FIG4: variants seen among roughly 807,000 people sequenced by gnomAD.
The protein encoded by FIG4 is polyphosphoinositide phosphatase.
A neutral mutation model predicts 118.6 loss-of-function variants in FIG4; 112 were observed. The observed-to-expected ratio is 0.94, with a 90% CI of 0.81 to 1.11. The LOEUF (loss-of-function observed/expected upper bound fraction) is 1.11, where lower values mean the gene tolerates loss of function less well. FIG4 is among the 50% of genes least tolerant of loss of function. FIG4 has a pLI of 0.00. For synonymous variants in FIG4, 369 were observed against 381.2 expected, an observed-to-expected ratio of 0.97 and a Z score of 0.37; for missense variants, 969 against 1,111.7, an observed-to-expected ratio of 0.87 and a Z score of 1.83.
intron 4 of FIG4, 125 bp downstream of exon 4, chr6:109,727,390 G>C (rs942860970): frequency 1.3e-6 from 1 of 762,642 alleles, no homozygotes; most frequent in African/African-American, 1.8e-5. Context: ...CCAGGCTCAA[G>C]TACTTTTTTT....
chr6:109,717,503 T>A (rs986169467), intron 3 of FIG4, among the ~76,000 whole-genome samples: 2 of 152,142 alleles, frequency 1.3e-5, no homozygotes, highest in Admixed American at 6.5e-5. Flanking sequence ...GAGGATAAAA[T>A]CCAATGTACA....
At chr6:109,782,960 CTCTCACTG>C (rs1264543031) in intron 16 of FIG4, among the ~76,000 whole-genome samples, 1 of 152,226 alleles carries the variant, frequency 6.6e-6, no homozygotes, top group Non-Finnish European at 1.5e-5. Flanking sequence ...ATCTGTCACC[CTCTCACTG>C]CTGAGCATCA....
chr6:109,743,522 T>A (rs1360713210), intron 9 of FIG4, 153 bp from the exon 10 acceptor site: 5 of 700,096 alleles, frequency 7.1e-6, no homozygotes, highest in Non-Finnish European at 1.3e-5. Context: ...ACATGATGAA[T>A]AAGTGTCTAG....
Position 109,825,243 on chromosome 6 carries a change from A to T in FIG4, c.2702A>T (p.Tyr901Phe). ...GKEDSSMYREYIRNRYL is the reference protein window; with the variant it reads ...GKEDSSMYREFIRNRYL Reference sequence around the variant, plus strand: ...GAGGACTCCTCCATGTACCGAGAGTACATCAGGAACCGCTACCTGTGAAAA... The same window carrying T: ...GAGGACTCCTCCATGTACCGAGAGTTCATCAGGAACCGCTACCTGTGAAAA... The change falls in exon 23 of 23, where the codon TAC becomes TTC. Residue 901 changes from tyrosine to phenylalanine, a missense_variant. Tyr to Phe is a conservative substitution (Grantham distance 22). This residue lies in a region of FIG4 where 330 missense variants were observed against 348.1 expected (regional missense o/e 0.95). Coordinates refer to ENST00000230124, the MANE Select transcript of FIG4 (RefSeq NM_014845.6). 6.2e-7 allele frequency: 1 copy of T among 1,614,112 alleles called. No homozygotes were observed. The highest frequency in any genetic ancestry group is 8.5e-7 in the Non-Finnish European group (1 of 1,179,988).
intron 17 of FIG4, chr6:109,785,580 T>A: frequency 2.2e-6 from 1 of 448,626 alleles, no homozygotes. Flanking sequence ...TTTCCAAATT[T>A]AAATAATTGC....
chr6:109,697,261 CAAA>C (rs566216314), intron 1 of FIG4, among the ~76,000 whole-genome samples: 7 of 63,180 alleles, frequency 1.1e-4, no homozygotes, highest in Non-Finnish European at 1.7e-4. Flanking sequence ...GACTCTGTCT[CAAA>C]AAAAAAAAAA....
chr6:109,698,449 A>G (rs1774803141), intron 1 of FIG4, among the ~76,000 whole-genome samples: 1 of 152,244 alleles, frequency 6.6e-6, no homozygotes, highest in African/African-American at 2.4e-5. Context: ...TGTATAATCT[A>G]GAAAGAGGAA....
intron 11 of FIG4, among the ~76,000 whole-genome samples, chr6:109,761,629 C>T (rs980373064): frequency 1.3e-5 from 2 of 152,182 alleles, no homozygotes; most frequent in African/African-American, 4.8e-5. Flanking sequence ...TTAAGTGATC[C>T]GCCCGCATTG....
At chr6:109,822,807 A>C (rs866272181) in intron 22 of FIG4, among the ~76,000 whole-genome samples, 2 of 134,576 alleles carry the variant, frequency 1.5e-5, no homozygotes, top group African/African-American at 3.2e-5. Flanking sequence ...ATATATATAT[A>C]TATATATATA....
At chr6:109,763,628 G>A (rs370031115) in intron 12 of FIG4, among the ~76,000 whole-genome samples, 4 of 152,166 alleles carry the variant, frequency 2.6e-5, no homozygotes, top group South Asian at 4.1e-4. Flanking sequence ...GACCAAACAG[G>A]AATTGGGTTT....
chr6:109,735,852 A>G (rs1776144544), intron 6 of FIG4, among the ~76,000 whole-genome samples: 1 of 151,984 alleles, frequency 6.6e-6, no homozygotes, highest in Non-Finnish European at 1.5e-5. Context: ...CAGGGAATCA[A>G]TGCAGCAAGT....
chr6:109,751,673 T>G (rs1425149959), intron 10 of FIG4, among the ~76,000 whole-genome samples: 1 of 152,124 alleles, frequency 6.6e-6, no homozygotes, highest in African/African-American at 2.4e-5. Flanking sequence ...ATTTATCTAT[T>G]TCTTCTAGAT....
intron 22 of FIG4, among the ~76,000 whole-genome samples, chr6:109,809,418 T>C (rs1028584350): frequency 6.6e-6 from 1 of 152,210 alleles, no homozygotes; most frequent in African/African-American, 2.4e-5. Flanking sequence ...TTAATAATTA[T>C]TTTTTAACTT....
intron 6 of FIG4, among the ~76,000 whole-genome samples, chr6:109,737,087 C>T (rs545524060): frequency 2.8e-4 from 43 of 152,238 alleles, no homozygotes; most frequent in Non-Finnish European, 4.3e-4. Context: ...TTAACTTCAT[C>T]TGCAGCTTTA....
At chr6:109,812,829 G>A (rs142023993) in intron 22 of FIG4, among the ~76,000 whole-genome samples, 1 of 152,254 alleles carries the variant, frequency 6.6e-6, no homozygotes, top group Non-Finnish European at 1.5e-5. Flanking sequence ...AGGAATGATC[G>A]TTCCTCAGAC....
rs1779111844 is a variant in FIG4 at position 109,824,835 on chromosome 6, T to G, written c.2547-253T>G. On this transcript the variant is annotated intron_variant, in intron 22 of 22. Transcript: ENST00000230124. ...GTGCAGACGTGGGTGTACACAGAGA[T>G]GTGGAAACAGAGGAGAGGGGTGTGC... is the stretch of plus-strand genomic sequence containing the variant. 2.0e-5 allele frequency among the ~76,000 whole-genome samples: 3 copies of G among 151,920 alleles called. No individual in the cohort carries two copies. The South Asian group carries it at 6.2e-4, about 32-fold the overall frequency.
At chr6:109,741,409 C>A (rs765967456) in intron 7 of FIG4, 35 bp from the exon 8 acceptor site, 57 of 1,311,344 alleles carry the variant, frequency 4.3e-5, no homozygotes, top group Non-Finnish European at 5.9e-5. Flanking sequence ...ATGTGACAGT[C>A]ATGAATGCTA....
Position 109,735,235 on chromosome 6 carries a change from C to G in FIG4, c.583C>G (p.Gln195Glu), listed in dbSNP as rs778345003. 1 of 1,613,416 alleles carries G rather than the reference C, an allele frequency of 6.2e-7. No individual in the cohort carries two copies. The highest frequency in any genetic ancestry group is 1.7e-5 in the Admixed American group (1 of 59,966). Residue 195 changes from glutamine to glutamate, a missense_variant, in exon 6 of 23, where the codon CAG becomes GAG. Physicochemically the swap from Gln to Glu is conservative, Grantham distance 29 (BLOSUM62 2). Coordinates refer to ENST00000230124, the MANE Select transcript of FIG4 (RefSeq NM_014845.6). The part of the protein sequence containing the change: ...PLEMLKSEMT[Q>E]NRQESFDIFE... ...GGAGATGTTAAAGTCAGAAATGACC[C>G]AGAATCGCCAAGAGAGCTTTGACAT...
intron 22 of FIG4, among the ~76,000 whole-genome samples, chr6:109,817,675 C>T (rs1019647944): frequency 2.6e-4 from 40 of 152,156 alleles, no homozygotes; most frequent in African/African-American, 9.2e-4. Context: ...CATATATGTG[C>T]GTATGGCAGA....
Sources: allele counts gnomAD v4.1 joint callset (sites outside exome capture counted in the v4.1 genomes callset), GRCh38; gene constraint gnomAD v4.1.1; regional missense constraint gnomAD v4.1.1; transcripts MANE v1.5; gene names NCBI Gene and HGNC (gene_info 2026-07-23, HGNC 2026-07-21).